The following FOXN1 variants were observed in gnomAD, a reference collection of about 807,000 sequenced individuals.
FOXN1 encodes forkhead box N1.
In FOXN1, 15 loss-of-function variants were observed where a neutral mutation model predicts 49.0. That is an observed-to-expected ratio of 0.31 (90% CI 0.20 to 0.47). The LOEUF (loss-of-function observed/expected upper bound fraction) is 0.47. Ranked by LOEUF, FOXN1 falls within the 20% of genes least tolerant of loss-of-function variation. FOXN1 has a pLI of 1.00. For synonymous variants in FOXN1, 356 were observed against 369.0 expected, an observed-to-expected ratio of 0.96 and a Z score of 0.40; for missense variants, 800 against 842.8, an observed-to-expected ratio of 0.95 and a Z score of 0.63.
At chr17:28,533,452 C>T (rs1422918205) in intron 6 of FOXN1, among the ~76,000 whole-genome samples, 2 of 151,736 alleles carry the variant, frequency 1.3e-5, no homozygotes, top group Non-Finnish European at 2.9e-5. Flanking sequence ...ATGACCAGGC[C>T]TCCTAATGGG....
At chr17:28,527,109 C>T (rs748544831) in intron 3 of FOXN1, 142 bp from the exon 4 acceptor site, 8 of 708,342 alleles carry the variant, frequency 1.1e-5, no homozygotes, top group Non-Finnish European at 1.8e-5. Flanking sequence ...AAATCTCTGC[C>T]CTTCTCTGTT....
At chr17:28,529,326 G>A (rs1464991275) in intron 5 of FOXN1, 102 bp downstream of exon 5, 5 of 1,435,292 alleles carry the variant, frequency 3.5e-6, no homozygotes, top group South Asian at 2.3e-5. Context: ...AATGGCAGCA[G>A]GTGGAAATCA....
chr17:28,535,136 A>G lies in FOXN1; in HGVS notation c.1565A>G (p.Asp522Gly), dbSNP rs1259755433. ...ARTMHDTLLP[D>G]GDLGTDLDAI... ...ACTATGCACGACACCCTGCTGCCAG[A>G]TGGAGACCTTGGCACTGACCTGGAT... The change falls in exon 8 of 9, where the codon GAT (aspartate) becomes GGT (glycine). Residue 522 changes from aspartate to glycine, a missense_variant. This residue lies in a region of FOXN1 where 344 missense variants were observed against 366.1 expected (regional missense o/e 0.94). Transcript: ENST00000579795. 1.9e-6 allele frequency: 3 copies of G among 1,611,236 alleles called. No individual in the cohort carries two copies. The highest frequency in any genetic ancestry group is 2.5e-6 in the Non-Finnish European group (3 of 1,178,094).
intron 1 of FOXN1, among the ~76,000 whole-genome samples, chr17:28,510,788 G>T (rs538364142): frequency 6.6e-6 from 1 of 152,344 alleles, no homozygotes; most frequent in African/African-American, 2.4e-5. Flanking sequence ...CTTCATAGAG[G>T]TGGCTCTGCT....
At chr17:28,532,230 C>T (rs1280846604) in intron 6 of FOXN1, among the ~76,000 whole-genome samples, 1 of 152,184 alleles carries the variant, frequency 6.6e-6, no homozygotes, top group Non-Finnish European at 1.5e-5. Context: ...CATGTAATCC[C>T]TGTTTTATGG....
chr17:28,507,941 G>A (rs1413061555), intron 1 of FOXN1, among the ~76,000 whole-genome samples: 4 of 152,198 alleles, frequency 2.6e-5, no homozygotes, highest in Non-Finnish European at 5.9e-5. Context: ...GACGGGGTGA[G>A]GGCTGCCCCA....
chr17:28,519,907 G>T (rs2069605387), intron 1 of FOXN1, among the ~76,000 whole-genome samples: 1 of 152,084 alleles, frequency 6.6e-6, no homozygotes, highest in African/African-American at 2.4e-5. Flanking sequence ...CAGGAAAGGG[G>T]AGTTCCCTTC....
chr17:28,528,297 A>G lies in FOXN1; in HGVS notation c.700-797A>G, dbSNP rs4795449. On this transcript the variant is annotated intron_variant, in intron 4 of 8. Transcript: ENST00000579795. ...AATGACCGAAGCTATCCTGAGGCTC[A>G]TGGTCTGACCCAGGGTAGAGGATGT... Among the ~76,000 whole-genome samples, 1,305 of 152,324 alleles carry G rather than the reference A, an allele frequency of 8.6e-3. 57 individuals are homozygous for G. The highest frequency in any genetic ancestry group is 0.058 in the Admixed American group (889 of 15,296).
intron 8 of FOXN1, among the ~76,000 whole-genome samples, chr17:28,536,902 C>G (rs912902857): frequency 1.3e-5 from 2 of 151,946 alleles, no homozygotes; most frequent in Non-Finnish European, 2.9e-5. Flanking sequence ...TCATCTAGAT[C>G]GACGGCTTTC....
At chr17:28,525,148 G>A (rs2069739097) in intron 3 of FOXN1, among the ~76,000 whole-genome samples, 181 bp downstream of exon 3, 1 of 152,170 alleles carries the variant, frequency 6.6e-6, no homozygotes, top group South Asian at 2.1e-4. Context: ...CCAGCATGGA[G>A]GGGGGCAAGT....
At position 28,537,368 on chromosome 17, in the gene FOXN1, C is replaced by T. The variant is rs753952625; in HGVS notation, c.1879C>T (p.Pro627Ser). 1.9e-6 allele frequency: 3 copies of T among 1,612,060 alleles called. No homozygotes were observed. Among genetic ancestry groups the T allele is most frequent in the Admixed American group, 3.3e-5 (2 of 60,012 alleles). ...TGCCTTTATGGAGCTGGAGCCCACG[C>T]CCCCCACGGCCCCTGCAGGCCCCTC... The part of the protein sequence containing the change: ...YSAFMELEPT[P>S]PTAPAGPSVY... The change falls in exon 9 of 9, where the codon CCC becomes TCC. Residue 627 changes from proline to serine, a missense_variant. Pro to Ser is a moderately conservative substitution (Grantham distance 74). Around this residue, in one of 3 missense-constraint regions of FOXN1, gnomAD observed 344 missense variants for 366.1 expected, o/e 0.94. Coordinates refer to ENST00000579795, the MANE Select transcript of FOXN1 (RefSeq NM_001369369.1).
chr17:28,528,084 G>T (rs900566540), intron 4 of FOXN1, among the ~76,000 whole-genome samples: 1 of 152,230 alleles, frequency 6.6e-6, no homozygotes, highest in Non-Finnish European at 1.5e-5. Flanking sequence ...ACTGAGACAG[G>T]CCCTGCCTGT....
chr17:28,538,603 A>G lies in FOXN1; in HGVS notation c.*1167A>G, dbSNP rs1045494950. The G allele has an allele frequency of 6.6e-6, 1 of 152,182 alleles. No homozygotes were observed. Among genetic ancestry groups the G allele is most frequent in the African/African-American group, 2.4e-5 (1 of 41,448 alleles). The allele number at this position is 152,182 out of a possible 1,614,324, so 9.4% of individuals were successfully genotyped here. On this transcript the variant is annotated 3_prime_UTR_variant, in exon 9 of 9. Transcript: ENST00000579795. ...CAGGCAACCTGGGCATTCAGGAGAA[A>G]AGCCTGGCACAGGGTGACAGGGAAG...
intron 1 of FOXN1, among the ~76,000 whole-genome samples, chr17:28,508,592 A>G (rs1434975495): frequency 1.3e-5 from 2 of 152,172 alleles, no homozygotes; most frequent in Non-Finnish European, 2.9e-5. Context: ...TTCATGGACC[A>G]GCAGAACCCC....
intron 1 of FOXN1, among the ~76,000 whole-genome samples, chr17:28,516,075 T>A (rs995434083): frequency 1.6e-4 from 24 of 149,756 alleles, no homozygotes; most frequent in African/African-American, 5.9e-4. Flanking sequence ...CTCCACAGGA[T>A]CCATACCTCC....
At chr17:28,531,169 T>C (rs1345659218) in intron 6 of FOXN1, among the ~76,000 whole-genome samples, 1 of 152,110 alleles carries the variant, frequency 6.6e-6, no homozygotes, top group Non-Finnish European at 1.5e-5. Flanking sequence ...GAAGAGAAAG[T>C]TGGAGAAGAA....
At chr17:28,521,689 T>A (rs1309046630) in intron 1 of FOXN1, among the ~76,000 whole-genome samples, 2 of 152,344 alleles carry the variant, frequency 1.3e-5, no homozygotes, top group African/African-American at 4.8e-5. Context: ...GGCCCCCACC[T>A]AGACCCCGGC....
chr17:28,532,068 A>G (rs2151495123), intron 6 of FOXN1, among the ~76,000 whole-genome samples: 1 of 152,160 alleles, frequency 6.6e-6, no homozygotes, highest in Middle Eastern at 3.4e-3. Context: ...TAACCCCTAA[A>G]GCTTTTGGAG....
chr17:28,522,404 T>C (rs1351619789), intron 1 of FOXN1, among the ~76,000 whole-genome samples: 1 of 152,192 alleles, frequency 6.6e-6, no homozygotes, highest in Non-Finnish European at 1.5e-5. Context: ...CCCAGCACTT[T>C]GGGAGGCCAA....
Sources: gnomAD v4.1 joint callset for allele counts (sites outside exome capture counted in the v4.1 genomes callset) on GRCh38, gnomAD v4.1.1 for gene constraint, gnomAD v4.1.1 regional missense constraint, MANE v1.5 for transcripts, NCBI Gene and HGNC (gene_info 2026-07-23, HGNC 2026-07-21) for gene names.